ZNF155: variants seen among roughly 807,000 people sequenced by gnomAD.
ZNF155 encodes the protein zinc finger protein 155.
A neutral mutation model predicts 11.9 loss-of-function variants in ZNF155; 15 were observed. The ratio of observed to expected loss-of-function variants is 1.26; its 90% confidence interval spans 0.84 to 1.94. The LOEUF (loss-of-function observed/expected upper bound fraction) is 1.94, where lower values mean the gene tolerates loss of function less well. ZNF155 is among the 30% of genes most tolerant of loss of function. The pLI, the probability that ZNF155 is intolerant of heterozygous loss-of-function variation, is 0.00. For missense variants in ZNF155, 602 were observed against 639.1 expected, an observed-to-expected ratio of 0.94 and a Z score of 0.63; for synonymous variants, 212 against 219.9, an observed-to-expected ratio of 0.96 and a Z score of 0.32.
chr19:43,997,078 G>A lies in ZNF155; in HGVS notation c.1221G>A (p.Lys407=). 1.9e-6 allele frequency: 3 copies of A among 1,613,474 alleles called. No homozygotes were observed. Among genetic ancestry groups the A allele is most frequent in the Non-Finnish European group, 2.5e-6 (3 of 1,179,460 alleles). ...EKSFKCEECG[K]GFYTNSQLSS... ...GCTTCAAATGTGAAGAATGTGGAAAGGGATTTTATACAAATTCACAACTGT... is the reference window on the plus strand; with the variant it reads ...GCTTCAAATGTGAAGAATGTGGAAAAGGATTTTATACAAATTCACAACTGT... The change falls in exon 5 of 5, where the codon AAG becomes AAA. Residue 407 remains lysine (K), a synonymous_variant. Transcript: ENST00000270014.
At chr19:43,990,088 T>C (rs1975598999) in intron 2 of ZNF155, 2 of 1,524,776 alleles carry the variant, frequency 1.3e-6, no homozygotes, top group Admixed American at 2.1e-5. Context: ...GCAAAGTACT[T>C]GTATTCTGTT....
Position 43,991,684 on chromosome 19 carries a change from G to T in ZNF155, c.142+10G>T, listed in dbSNP as rs1437025736. On this transcript the variant is annotated intron_variant, in intron 3 of 4. Transcript: ENST00000270014. The stretch of plus-strand genomic sequence containing the variant: ...AACCTGCTCTCAGTGGGTGAGCACG[G>T]GCATCTTTTGTGTCTGAACATCAGG... The T allele has an allele frequency of 4.3e-6, 7 of 1,614,016 alleles. No individual in the cohort carries two copies. Among genetic ancestry groups the T allele is most frequent in the Non-Finnish European group, 5.9e-6 (7 of 1,179,998 alleles).
Position 43,996,655 on chromosome 19 carries a change from G to C in ZNF155, c.798G>C (p.Gly266=). 6.2e-7 allele frequency: 1 copy of C among 1,613,908 alleles called. No individual in the cohort carries two copies. The highest frequency in any genetic ancestry group is 8.5e-7 in the Non-Finnish European group (1 of 1,179,966). The change falls in exon 5 of 5, where the codon GGG becomes GGC. Residue 266 remains glycine (G), a synonymous_variant. Transcript: ENST00000270014. The stretch of plus-strand genomic sequence containing the variant: ...AACCTTACATTTGTGAGGCATGTGG[G>C]AAGGCCTTCATTCATGATTCCCAGC... ...GEKPYICEAC[G]KAFIHDSQLK...
rs955861668 is a variant in ZNF155 at position 43,996,330 on chromosome 19, G to A, written c.473G>A (p.Ser158Asn). 4 of 1,614,228 alleles carry A rather than the reference G, an allele frequency of 2.5e-6. No individual in the cohort carries two copies. The highest frequency in any genetic ancestry group is 3.4e-6 in the Non-Finnish European group (4 of 1,180,032). ...SQGGKCKQSI[S>N]DVPIFDLPQQ... ...GGTGGGAAGTGTAAACAGTCCATCA[G>A]TGATGTTCCCATCTTTGATCTTCCT... The change falls in exon 5 of 5, where the codon AGT becomes AAT. Residue 158 changes from serine (S) to asparagine (N), a missense_variant. Transcript: ENST00000270014.
At position 43,997,623 on chromosome 19, in the gene ZNF155, T is replaced by C; in HGVS notation, c.*149T>C. The C allele has an allele frequency of 2.5e-6, 2 of 810,106 alleles. No homozygotes were observed. Among genetic ancestry groups the C allele is most frequent in the Admixed American group, 3.1e-5 (1 of 32,072 alleles). 50.2% of individuals were successfully genotyped at this position (810,106 alleles called of 1,614,324 possible). A position where few individuals can be genotyped will look rare whatever the true frequency, so the allele number is the denominator to read the frequency against. On this transcript the variant is annotated 3_prime_UTR_variant, in exon 5 of 5. Transcript: ENST00000270014. ...TCAAAATCCATTTGAGAGGAGTTGGTAGACAGCAAGGGAAGGGTCCCTGGA... is the reference window on the plus strand; with the variant it reads ...TCAAAATCCATTTGAGAGGAGTTGGCAGACAGCAAGGGAAGGGTCCCTGGA...
intron 4 of ZNF155, 104 bp from the exon 5 acceptor site, chr19:43,995,989 C>A: frequency 7.1e-7 from 1 of 1,400,564 alleles, no homozygotes; most frequent in Non-Finnish European, 9.6e-7. Flanking sequence ...ACTGAACATT[C>A]TCTGTATTCA....
chr19:43,991,469 C>A (rs1599840748), intron 2 of ZNF155, 79 bp from the exon 3 acceptor site: 4 of 1,605,016 alleles, frequency 2.5e-6, no homozygotes, highest in Non-Finnish European at 3.4e-6. Flanking sequence ...TCCACTCATC[C>A]CCTTCCCCTG....
intron 2 of ZNF155, among the ~76,000 whole-genome samples, chr19:43,990,279 T>C (rs1449434156): frequency 6.6e-6 from 1 of 152,190 alleles, no homozygotes; most frequent in African/African-American, 2.4e-5. Flanking sequence ...CTTTACAGGA[T>C]TGATAATGGA....
chr19:43,997,263 C>G lies in ZNF155; in HGVS notation c.1406C>G (p.Ser469Ter). ...TGTGGGAAGAACTTTAGCCGGGCCTCAAGTATTTTGAATCATAAGAGACTC... is the reference window on the plus strand; with the variant it reads ...TGTGGGAAGAACTTTAGCCGGGCCTGAAGTATTTTGAATCATAAGAGACTC... ...KECGKNFSRASSILNHKRLHC... is the reference protein window; with the variant it reads ...KECGKNFSRA The change falls in exon 5 of 5, where the codon TCA becomes TGA. Residue 469 changes from serine (S) to a stop codon, truncating the protein, a stop_gained. Transcript: ENST00000270014. LOFTEE classifies it low-confidence loss of function (END_TRUNC). The G allele has an allele frequency of 1.2e-6, 2 of 1,614,050 alleles. No individual in the cohort carries two copies. Among genetic ancestry groups the G allele is most frequent in the Non-Finnish European group, 1.7e-6 (2 of 1,180,008 alleles).
rs1388121555 is a variant in ZNF155 at position 43,988,325 on chromosome 19, G to A, written c.-85-134G>A. The A allele has an allele frequency of 7.2e-6, 3 of 416,122 alleles. No individual in the cohort carries two copies. In the Admixed American group the frequency reaches 1.2e-4, roughly 17 times the overall value. The allele number at this position is 416,122 out of a possible 1,614,324, so 25.8% of individuals were successfully genotyped here. A position where few individuals can be genotyped will look rare whatever the true frequency, so the allele number is the denominator to read the frequency against. ...TTTCCAAATAAGATTCCATGGTATG[G>A]ATACACCACCATTTGCCTATCCATT... On this transcript the variant is annotated intron_variant, in intron 1 of 4. Transcript: ENST00000270014.
Position 43,985,355 on chromosome 19 carries a change from C to T in ZNF155, c.-86+1110C>T, listed in dbSNP as rs916554076. ...GAATTACAGGTGTGAGCCACCGCGC[C>T]GGGCCGGTTTTTTCTTTTACAGAGA... On this transcript the variant is annotated intron_variant, in intron 1 of 4. Coordinates refer to ENST00000270014, the MANE Select transcript of ZNF155 (RefSeq NM_198089.3). Among the ~76,000 whole-genome samples, 43 of 151,960 alleles carry T rather than the reference C, an allele frequency of 2.8e-4. 1 individual carries two copies. Among genetic ancestry groups the T allele is most frequent in the Admixed American group, 1.2e-3 (18 of 15,266 alleles).
chr19:43,988,594 C>T, intron 2 of ZNF155, 36 bp downstream of exon 2: 2 of 1,587,044 alleles, frequency 1.3e-6, no homozygotes, highest in Admixed American at 1.7e-5. Flanking sequence ...GTTAAAATTC[C>T]ATGTCACTAC....
intron 1 of ZNF155, among the ~76,000 whole-genome samples, chr19:43,987,679 G>A (rs546130348): frequency 1.6e-4 from 25 of 152,100 alleles, no homozygotes; most frequent in African/African-American, 5.6e-4. Flanking sequence ...AGTTTCTTCT[G>A]GGGAGATACA....
intron 1 of ZNF155, among the ~76,000 whole-genome samples, chr19:43,986,449 G>GTTTT (rs869271791): frequency 5.2e-5 from 3 of 58,044 alleles, no homozygotes; most frequent in African/African-American, 1.1e-4. Context: ...TCCCATTTGT[G>GTTTT]TTTTTTTTTT....
At chr19:43,989,160 T>A (rs1975567484) in intron 2 of ZNF155, among the ~76,000 whole-genome samples, 1 of 152,236 alleles carries the variant, frequency 6.6e-6, no homozygotes, top group African/African-American at 2.4e-5. Flanking sequence ...TAGAATATTT[T>A]AACTAGGCAC....
intron 1 of ZNF155, 33 bp from the exon 2 acceptor site, chr19:43,988,426 T>G (rs890920915): frequency 2.7e-6 from 3 of 1,092,598 alleles, no homozygotes; most frequent in Non-Finnish European, 3.9e-6. Context: ...ATTCATGGGC[T>G]AATTCACAAC....
chr19:43,985,925 C>A (rs138992842), intron 1 of ZNF155, among the ~76,000 whole-genome samples: 1 of 152,278 alleles, frequency 6.6e-6, no homozygotes, highest in South Asian at 2.1e-4. Context: ...GGAACCTAGG[C>A]AGTTTGGGTC....
intron 1 of ZNF155, 50 bp from the exon 2 acceptor site, chr19:43,988,409 T>A: frequency 1.1e-6 from 1 of 876,444 alleles, no homozygotes; most frequent in Non-Finnish European, 1.7e-6. Context: ...ATAATGCTGC[T>A]GTGATCATTC....
chr19:43,990,743 G>A (rs1345516190), intron 2 of ZNF155, among the ~76,000 whole-genome samples: 2 of 152,214 alleles, frequency 1.3e-5, no homozygotes, highest in Admixed American at 1.3e-4. Context: ...TGTGAGTCCT[G>A]TGAGACAGAA....
Sources: gnomAD v4.1 joint callset for allele counts (sites outside exome capture counted in the v4.1 genomes callset) on GRCh38, gnomAD v4.1.1 for gene constraint, MANE v1.5 for transcripts, NCBI Gene and HGNC (gene_info 2026-07-23, HGNC 2026-07-21) for gene names.